The following HMCN1 variants were observed in gnomAD, a reference collection of about 807,000 sequenced individuals.
HMCN1 encodes the protein hemicentin-1.
In HMCN1, 321 loss-of-function variants were observed where a neutral mutation model predicts 625.9. The observed-to-expected ratio is 0.51, with a 90% CI of 0.47 to 0.56. HMCN1 has a LOEUF of 0.56. Ranked by LOEUF, HMCN1 falls within the 20% of genes least tolerant of loss-of-function variation. The pLI is 0.00. For missense variants in HMCN1, 6,588 were observed against 6,887.3 expected (o/e 0.96, Z 1.54); for synonymous variants, 2,425 against 2,417.6 (o/e 1.00, Z -0.09).
chr1:185,769,188 C>T (rs1220644593), intron 1 of HMCN1, among the ~76,000 whole-genome samples: 1 of 152,104 alleles, frequency 6.6e-6, no homozygotes, highest in African/African-American at 2.4e-5. Flanking sequence ...TGGCTCACAC[C>T]TGTAATCCCA....
intron 11 of HMCN1, among the ~76,000 whole-genome samples, chr1:185,952,952 T>TG (rs1649336209): frequency 6.8e-6 from 1 of 147,432 alleles, no homozygotes; most frequent in Admixed American, 6.7e-5. Flanking sequence ...GATAAGAGGT[T>TG]GGGGTGCAGA....
At chr1:185,881,744 T>G (rs1664326722) in intron 4 of HMCN1, among the ~76,000 whole-genome samples, 1 of 152,172 alleles carries the variant, frequency 6.6e-6, no homozygotes, top group South Asian at 2.1e-4. Flanking sequence ...TTAGACAAAG[T>G]CTGTTATGAA....
At chr1:185,810,925 G>A (rs1344111299) in intron 1 of HMCN1, among the ~76,000 whole-genome samples, 2 of 152,086 alleles carry the variant, frequency 1.3e-5, no homozygotes, top group Non-Finnish European at 2.9e-5. Flanking sequence ...CATTCTGTTA[G>A]CAAAGAACAG....
chr1:185,890,047 A>G lies in HMCN1; in HGVS notation c.622-19290A>G, dbSNP rs575508393. Among the ~76,000 whole-genome samples the G allele has an allele frequency of 3.2e-3, 486 of 151,706 alleles. 3 individuals carry two copies. Among genetic ancestry groups the G allele is most frequent in the African/African-American group, 0.011 (450 of 41,012 alleles). ...TCCTGGTTTAGTCTTGGGAGAGTGTATGTGTCAAGGAATTTATCCATTTCT... is the reference window on the plus strand; with the variant it reads ...TCCTGGTTTAGTCTTGGGAGAGTGTGTGTGTCAAGGAATTTATCCATTTCT... On this transcript the variant is annotated intron_variant, in intron 4 of 106. Coordinates refer to ENST00000271588, the MANE Select transcript of HMCN1 (RefSeq NM_031935.3).
chr1:185,818,254 T>G (rs1184880246), intron 1 of HMCN1, among the ~76,000 whole-genome samples: 1 of 152,232 alleles, frequency 6.6e-6, no homozygotes, highest in African/African-American at 2.4e-5. Flanking sequence ...CCCTAAAAAC[T>G]TCACATGACA....
chr1:185,895,942 A>AT (rs113480004), intron 4 of HMCN1, among the ~76,000 whole-genome samples: 12,998 of 146,408 alleles, frequency 0.089, 1,716 homozygotes, highest in African/African-American at 0.29. Flanking sequence ...TCATTTAATA[A>AT]TTTTTTTTTT....
intron 100 of HMCN1, among the ~76,000 whole-genome samples, 169 bp downstream of exon 100, chr1:186,167,111 T>G (rs1651929847): frequency 6.6e-6 from 1 of 152,196 alleles, no homozygotes; most frequent in Non-Finnish European, 1.5e-5. Context: ...CCGGAGGACT[T>G]AAACTTCATT....
At chr1:185,920,198 G>A (rs1198913859) in intron 6 of HMCN1, among the ~76,000 whole-genome samples, 1 of 152,098 alleles carries the variant, frequency 6.6e-6, no homozygotes, top group Non-Finnish European at 1.5e-5. Flanking sequence ...TTAATACTAA[G>A]CTGTTTTAAA....
chr1:186,144,450 A>G (rs1316768488), intron 90 of HMCN1, 83 bp from the exon 91 acceptor site: 1 of 1,608,540 alleles, frequency 6.2e-7, no homozygotes. Context: ...CCACAAGAAC[A>G]TCTCTCAAAC....
chr1:185,812,511 A>G (rs1387404274), intron 1 of HMCN1, among the ~76,000 whole-genome samples: 4 of 152,176 alleles, frequency 2.6e-5, no homozygotes, highest in Non-Finnish European at 2.9e-5. Flanking sequence ...GATTCATTAT[A>G]TAACATAATA....
intron 55 of HMCN1, among the ~76,000 whole-genome samples, chr1:186,079,049 A>G (rs556889448): frequency 6.6e-6 from 1 of 152,332 alleles, no homozygotes; most frequent in South Asian, 2.1e-4. Flanking sequence ...CAGCTACGCC[A>G]TATGTCCTGC....
chr1:186,008,818 A>G (rs1653803959), intron 30 of HMCN1, among the ~76,000 whole-genome samples: 1 of 152,168 alleles, frequency 6.6e-6, no homozygotes. Context: ...ATCATCTTAA[A>G]ACTTAATGTA....
Position 186,003,752 on chromosome 1 carries a change from T to C in HMCN1, c.4383T>C (p.Asn1461=), listed in dbSNP as rs749023071. Residue 1461 remains asparagine, a synonymous_variant, in exon 29 of 107, where the codon AAT becomes AAC. Coordinates refer to ENST00000271588, the MANE Select transcript of HMCN1 (RefSeq NM_031935.3). ...CCATAATAGGTACCAACTTCCCAAATGAAGTCTCAGTTGTCCTCAACCGTG... is the reference window on the plus strand; with the variant it reads ...CCATAATAGGTACCAACTTCCCAAACGAAGTCTCAGTTGTCCTCAACCGTG... ...PPTIIGTNFP[N]EVSVVLNRDV... is the part of the protein sequence containing the mutation. The C allele has an allele frequency of 1.2e-6, 2 of 1,613,236 alleles. No homozygotes were observed. The highest frequency in any genetic ancestry group is 3.3e-5 in the Admixed American group (2 of 59,964).
chr1:185,994,409 T>C (rs1652643097), intron 23 of HMCN1, among the ~76,000 whole-genome samples: 1 of 152,184 alleles, frequency 6.6e-6, no homozygotes, highest in Middle Eastern at 3.2e-3. Flanking sequence ...ACTGAGTACA[T>C]GGAGAGAAAT....
intron 11 of HMCN1, among the ~76,000 whole-genome samples, chr1:185,955,826 T>C (rs1468818872): frequency 3.3e-5 from 5 of 152,084 alleles, no homozygotes; most frequent in Non-Finnish European, 1.5e-5. Context: ...CCCTAGCCCT[T>C]CTTTCATTAC....
rs1231023376 is a variant in HMCN1, at chr1:186,145,385, G to T, written c.14267-18G>T. On this transcript the variant is annotated intron_variant, in intron 91 of 106. Coordinates refer to ENST00000271588, the MANE Select transcript of HMCN1 (RefSeq NM_031935.3). ...TTTTAGGGGCTCTGTTTTCATCTCA[G>T]ATTATTCTGTCTTGTAGCCCATGGT... 9.8e-6 allele frequency: 15 copies of T among 1,536,890 alleles called. No individual in the cohort carries two copies. The highest frequency in any genetic ancestry group is 1.3e-5 in the Non-Finnish European group (15 of 1,144,282).
chr1:185,961,183 T>G (rs1165204345), intron 11 of HMCN1, among the ~76,000 whole-genome samples: 1 of 152,238 alleles, frequency 6.6e-6, no homozygotes, highest in African/African-American at 2.4e-5. Context: ...ATTAGCTTCC[T>G]TCAGTTGTGT....
In HMCN1 at chr1:186,003,352, G is replaced by C. The variant is rs1183654145; in HGVS notation, c.4349-366G>C. Among the ~76,000 whole-genome samples, 6 of 152,270 alleles carry C rather than the reference G, an allele frequency of 3.9e-5. No homozygotes were observed. The East Asian group carries it at 9.6e-4, about 24-fold the overall frequency. On this transcript the variant is annotated intron_variant, in intron 28 of 106. Coordinates refer to ENST00000271588, the MANE Select transcript of HMCN1 (RefSeq NM_031935.3). ...TATATGTAGAATTTGAATGTTATAA[G>C]AGTGATGTTAATTGTCATTCATTAT...
At chr1:186,126,896 T>A (rs750199739) in intron 82 of HMCN1, among the ~76,000 whole-genome samples, 1 of 151,994 alleles carries the variant, frequency 6.6e-6, no homozygotes, top group Non-Finnish European at 1.5e-5. Context: ...GTGATGAGAA[T>A]CAAAGGTAGG....
Sources: gnomAD v4.1 joint callset for allele counts (sites outside exome capture counted in the v4.1 genomes callset) on GRCh38, gnomAD v4.1.1 for gene constraint, MANE v1.5 for transcripts, NCBI Gene and HGNC (gene_info 2026-07-23, HGNC 2026-07-21) for gene names.